SYT16: variants seen among roughly 807,000 people sequenced by gnomAD.
SYT16 encodes synaptotagmin-16.
A neutral mutation model predicts 61.4 loss-of-function variants in SYT16; 42 were observed. That is an observed-to-expected ratio of 0.68 (90% confidence interval 0.53 to 0.89). The LOEUF is 0.89. Among genes scored for constraint, SYT16 ranks in the 40% least tolerant of loss-of-function variants. SYT16 has a pLI of 0.00. For missense variants in SYT16, 804 were observed against 807.3 expected, an observed-to-expected ratio of 1.00 and a Z score of 0.05; for synonymous variants, 314 against 302.3, an observed-to-expected ratio of 1.04 and a Z score of -0.40.
chr14:62,100,376 C>CT lies in SYT16; in HGVS notation c.1625-8dup, dbSNP rs749150838. 6.2e-3 allele frequency: 7,752 copies of CT among 1,242,424 alleles called. 4 individuals are homozygous for CT. Among genetic ancestry groups the CT allele is most frequent in the Non-Finnish European group, 7.0e-3 (6,375 of 913,594 alleles). The allele number at this position is 1,242,424 out of a possible 1,614,324, so 77.0% of individuals were successfully genotyped here. Reference sequence around the variant, plus strand: ...TGTTTCTTATCATCCCCACCCCACCCTTTTTTTTTTGTCTTAGATACATAT... The same window carrying CT: ...TGTTTCTTATCATCCCCACCCCACCCTTTTTTTTTTTGTCTTAGATACATAT... On this transcript the variant is annotated splice_polypyrimidine_tract_variant and intron_variant, in intron 7 of 7. Coordinates refer to ENST00000683842, the MANE Select transcript of SYT16 (RefSeq NM_001367656.1).
chr14:61,820,520 C>T (rs1257013571), intron 1 of SYT16, among the ~76,000 whole-genome samples: 1 of 112,266 alleles, frequency 8.9e-6, no homozygotes, highest in East Asian at 3.1e-4. Context: ...CTCGCTCTGT[C>T]GCCCAGGTTG....
chr14:62,033,163 A>G (rs1177532875), intron 3 of SYT16, among the ~76,000 whole-genome samples: 1 of 152,142 alleles, frequency 6.6e-6, no homozygotes, highest in Non-Finnish European at 1.5e-5. Flanking sequence ...AGGCAAGAGG[A>G]CATCTTAAAA....
intron 2 of SYT16, among the ~76,000 whole-genome samples, chr14:61,991,254 C>CT (rs2052538334): frequency 6.6e-6 from 1 of 151,626 alleles, no homozygotes. Flanking sequence ...AATAATGGGC[C>CT]TTCTCAGATA....
intron 3 of SYT16, among the ~76,000 whole-genome samples, chr14:62,020,098 G>GCAAA (rs1467705701): frequency 2.0e-5 from 3 of 152,138 alleles, no homozygotes; most frequent in Non-Finnish European, 4.4e-5. Flanking sequence ...ATCACATGTA[G>GCAAA]TGGTTCCTGA....
intron 1 of SYT16, among the ~76,000 whole-genome samples, chr14:61,860,622 A>G (rs114143425): frequency 0.11 from 16,167 of 152,242 alleles, 899 homozygotes; most frequent in Non-Finnish European, 0.11. Context: ...GGTCTATAAT[A>G]GATTGGAAAT....
intron 1 of SYT16, among the ~76,000 whole-genome samples, chr14:61,894,241 C>T (rs1333410602): frequency 2.0e-5 from 3 of 151,250 alleles, no homozygotes; most frequent in South Asian, 2.1e-4. Flanking sequence ...GCAGAGATTG[C>T]GCCATTGCAC....
chr14:61,987,929 A>T (rs568086007), intron 2 of SYT16, among the ~76,000 whole-genome samples: 1 of 152,256 alleles, frequency 6.6e-6, no homozygotes, highest in East Asian at 1.9e-4. Flanking sequence ...TTTTCAAGTG[A>T]TACAAATGAT....
At chr14:62,044,725 A>C (rs1376081151) in intron 3 of SYT16, among the ~76,000 whole-genome samples, 2 of 152,176 alleles carry the variant, frequency 1.3e-5, no homozygotes, top group African/African-American at 4.8e-5. Context: ...GATTGGTTCC[A>C]AGTCTTTGTG....
At chr14:62,002,397 G>A (rs2053054341) in intron 3 of SYT16, among the ~76,000 whole-genome samples, 2 of 151,994 alleles carry the variant, frequency 1.3e-5, no homozygotes, top group South Asian at 2.1e-4. Context: ...CTTTAACATC[G>A]TCTCCTCTTT....
chr14:61,989,422 G>T (rs2052455479), intron 2 of SYT16, among the ~76,000 whole-genome samples: 1 of 152,208 alleles, frequency 6.6e-6, no homozygotes, highest in African/African-American at 2.4e-5. Flanking sequence ...AATTAGCCAG[G>T]CCTGATGGCA....
intron 5 of SYT16, among the ~76,000 whole-genome samples, chr14:62,075,894 G>T (rs1329256745): frequency 6.6e-6 from 1 of 152,190 alleles, no homozygotes. Context: ...GTGTAATGAT[G>T]CAGATCTTGC....
intron 1 of SYT16, among the ~76,000 whole-genome samples, chr14:61,837,985 T>C (rs184794556): frequency 6.6e-6 from 1 of 152,320 alleles, no homozygotes; most frequent in East Asian, 1.9e-4. Flanking sequence ...GAAATATATA[T>C]GCAAGAAATT....
intron 1 of SYT16, chr14:61,865,302 A>T (rs2047111700): frequency 4.0e-6 from 3 of 744,120 alleles, no homozygotes; most frequent in Non-Finnish European, 7.2e-6. Flanking sequence ...ATCCCTCTGA[A>T]CGCAGGGATG....
At chr14:61,971,618 C>T (rs1325938614) in intron 2 of SYT16, among the ~76,000 whole-genome samples, 1 of 152,226 alleles carries the variant, frequency 6.6e-6, no homozygotes, top group Non-Finnish European at 1.5e-5. Flanking sequence ...TCATTGAGCA[C>T]AGCTCAAGCT....
intron 1 of SYT16, among the ~76,000 whole-genome samples, chr14:61,890,697 G>A (rs2048092348): frequency 6.6e-6 from 1 of 152,082 alleles, no homozygotes; most frequent in Non-Finnish European, 1.5e-5. Flanking sequence ...TTAGTAAATT[G>A]CGTATGTTAG....
intron 3 of SYT16, among the ~76,000 whole-genome samples, chr14:62,064,647 A>G (rs1566813074): frequency 6.6e-6 from 1 of 152,182 alleles, no homozygotes; most frequent in Non-Finnish European, 1.5e-5. Context: ...GTAATGGACT[A>G]TTAATAACAT....
rs542469744 is a variant in SYT16, at chr14:62,004,018, GATT to G, written c.523+7477_523+7479del. On this transcript the variant is annotated intron_variant, in intron 3 of 7. Transcript: ENST00000683842. ...ATCATGAGGCTAGAGCTAAGGCTGT[GATT>G]GGGAAGGTCTTTGGTTTTTGTGTTA... is the stretch of plus-strand genomic sequence containing the variant. Among the ~76,000 whole-genome samples the G allele has an allele frequency of 2.6e-5, 4 of 152,284 alleles. No homozygotes were observed. The East Asian group carries it at 7.7e-4, about 29-fold the overall frequency.
chr14:61,865,328 T>C, intron 1 of SYT16: 1 of 708,146 alleles, frequency 1.4e-6, no homozygotes, highest in South Asian at 1.5e-5. Flanking sequence ...AGCCTGAAGC[T>C]CTTAGGAGAA....
At chr14:61,926,608 C>CT (rs2049549986) in intron 1 of SYT16, among the ~76,000 whole-genome samples, 1 of 152,100 alleles carries the variant, frequency 6.6e-6, no homozygotes. Flanking sequence ...AGAGATACTG[C>CT]TTTTCTGTAT....
Sources: gnomAD v4.1 joint callset for allele counts (sites outside exome capture counted in the v4.1 genomes callset) on GRCh38, gnomAD v4.1.1 for gene constraint, MANE v1.5 for transcripts, NCBI Gene and HGNC (gene_info 2026-07-23, HGNC 2026-07-21) for gene names.